ARIH1: variants seen among roughly 807,000 people sequenced by gnomAD.
ARIH1 encodes ariadne RBR E3 ubiquitin protein ligase 1, also known as E3 ubiquitin-protein ligase ARIH1.
In ARIH1, 8 loss-of-function variants were observed where a neutral mutation model predicts 85.0. That is an observed-to-expected ratio of 0.09 (90% CI 0.06 to 0.17). The LOEUF is 0.17. ARIH1 is among the 10% of genes least tolerant of loss of function. The pLI is 1.00. For synonymous variants in ARIH1, 238 were observed against 253.6 expected (o/e 0.94, Z 0.59); for missense variants, 311 against 718.1 (o/e 0.43, Z 6.48).
intron 1 of ARIH1, among the ~76,000 whole-genome samples, chr15:72,488,426 G>C (rs972799177): frequency 1.3e-5 from 2 of 152,084 alleles, no homozygotes; most frequent in African/African-American, 2.4e-5. Flanking sequence ...AATCTGCCAG[G>C]CTGGCTGCGG....
intron 1 of ARIH1, among the ~76,000 whole-genome samples, chr15:72,484,778 TACATATATATAC>T (rs2063831074): frequency 1.3e-5 from 1 of 76,542 alleles, no homozygotes; most frequent in South Asian, 1.0e-3. Flanking sequence ...TGTATATATA[TACATATATATAC>T]ACACACACAC....
intron 1 of ARIH1, among the ~76,000 whole-genome samples, chr15:72,476,856 A>G (rs890439156): frequency 6.6e-6 from 1 of 152,204 alleles, no homozygotes; most frequent in African/African-American, 2.4e-5. Context: ...TTTCAGTGGA[A>G]AAACATTACA....
intron 2 of ARIH1, among the ~76,000 whole-genome samples, chr15:72,532,964 T>G (rs1453648905): frequency 6.6e-6 from 1 of 152,250 alleles, no homozygotes; most frequent in Non-Finnish European, 1.5e-5. Context: ...TATCATAGTT[T>G]ATCCACTGAA....
At chr15:72,532,023 A>G (rs2064059495) in intron 2 of ARIH1, among the ~76,000 whole-genome samples, 1 of 152,184 alleles carries the variant, frequency 6.6e-6, no homozygotes, top group African/African-American at 2.4e-5. Context: ...ATTCATCTTA[A>G]AAGTCTCAAG....
rs1473856879 is a variant in ARIH1, at chr15:72,583,299, C to G, written c.*7C>G. 6.2e-7 allele frequency: 1 copy of G among 1,606,838 alleles called. No homozygotes were observed. ...GGAGTACATTGAGGACTGAGAATGGCCCTGCATAAAATGAACTCTGAAAAC... is the reference window on the plus strand; with the variant it reads ...GGAGTACATTGAGGACTGAGAATGGGCCTGCATAAAATGAACTCTGAAAAC... On this transcript the variant is annotated 3_prime_UTR_variant, in exon 14 of 14. Coordinates refer to ENST00000379887, the MANE Select transcript of ARIH1 (RefSeq NM_005744.5).
At chr15:72,565,190 G>GGATT (rs1250051322) in intron 7 of ARIH1, among the ~76,000 whole-genome samples, 1 of 151,984 alleles carries the variant, frequency 6.6e-6, no homozygotes, top group African/African-American at 2.4e-5. Flanking sequence ...TGAGTAGCTG[G>GGATT]GATTACAGGC....
At chr15:72,567,429 T>C (rs2278694) in intron 9 of ARIH1, among the ~76,000 whole-genome samples, 112,350 of 152,072 alleles carry the variant, frequency 0.74, 47,593 homozygotes, top group Non-Finnish European at 0.93. Flanking sequence ...GAAAAAAAAT[T>C]AGTGTTCTGT....
rs71137306 is a variant in ARIH1, at chr15:72,594,811, C to CTTTTTTTTTTTTTTTTTTTTTTTTT, written c.*11522_*11546dup. 1.6e-4 allele frequency: 13 copies of CTTTTTTTTTTTTTTTTTTTTTTTTT among 79,614 alleles called. 1 individual carries two copies. Among genetic ancestry groups the CTTTTTTTTTTTTTTTTTTTTTTTTT allele is most frequent in the Admixed American group, 6.0e-4 (3 of 4,964 alleles). The allele number at this position is 79,614 out of a possible 1,614,324, so 4.9% of individuals were successfully genotyped here. The stretch of plus-strand genomic sequence containing the variant: ...TTTTTCTGATTTTATGCCTTTTCTT[C>CTTTTTTTTTTTTTTTTTTTTTTTTT]TTTTTTTTTTTTTTTTTTTTTTTTT... On this transcript the variant is annotated 3_prime_UTR_variant, in exon 14 of 14. Coordinates refer to ENST00000379887, the MANE Select transcript of ARIH1 (RefSeq NM_005744.5).
chr15:72,474,492 C>T lies in ARIH1; in HGVS notation c.-148C>T. 9.0e-7 allele frequency: 1 copy of T among 1,110,144 alleles called. No individual in the cohort carries two copies. Among genetic ancestry groups the T allele is most frequent in the East Asian group, 3.4e-5 (1 of 29,538 alleles). 68.8% of individuals were successfully genotyped at this position (1,110,144 alleles called of 1,614,324 possible). A position where few individuals can be genotyped will look rare whatever the true frequency, so the allele number is the denominator to read the frequency against. On this transcript the variant is annotated 5_prime_UTR_variant, in exon 1 of 14. Transcript: ENST00000379887. Reference sequence around the variant, plus strand: ...GCCACCAGCCGTCAAACGCCAACCGCCGCTCCTGGGGAGGAGCCGCGGCTC... The same window carrying T: ...GCCACCAGCCGTCAAACGCCAACCGTCGCTCCTGGGGAGGAGCCGCGGCTC...
chr15:72,479,898 C>T (rs1004601329), intron 1 of ARIH1, among the ~76,000 whole-genome samples: 5 of 151,018 alleles, frequency 3.3e-5, no homozygotes, highest in Admixed American at 2.6e-4. Context: ...GACGGAGTCT[C>T]GCTTTGTTGC....
At chr15:72,493,271 G>C (rs185605412) in intron 1 of ARIH1, among the ~76,000 whole-genome samples, 82 of 149,586 alleles carry the variant, frequency 5.5e-4, no homozygotes, top group South Asian at 4.4e-3. Flanking sequence ...ACACTTTTTG[G>C]GGGGGGAGGT....
intron 2 of ARIH1, among the ~76,000 whole-genome samples, chr15:72,529,883 G>A (rs2064048151): frequency 6.6e-6 from 1 of 152,188 alleles, no homozygotes; most frequent in Admixed American, 6.5e-5. Flanking sequence ...TAAGGGCCTT[G>A]AATTTTAAGT....
rs1427880521 is a variant in ARIH1 at position 72,586,016 on chromosome 15, A to G, written c.*2724A>G. ...ATTTGAACAATTCATTCAGCAGCAGATGGACTTTCAGTGATTTAAAATAAA... is the reference window on the plus strand; with the variant it reads ...ATTTGAACAATTCATTCAGCAGCAGGTGGACTTTCAGTGATTTAAAATAAA... On this transcript the variant is annotated 3_prime_UTR_variant, in exon 14 of 14. Coordinates refer to ENST00000379887, the MANE Select transcript of ARIH1 (RefSeq NM_005744.5). The G allele has an allele frequency of 6.6e-6, 1 of 152,192 alleles. No homozygotes were observed. The highest frequency in any genetic ancestry group is 1.5e-5 in the Non-Finnish European group (1 of 68,028). 9.4% of individuals were successfully genotyped at this position (152,192 alleles called of 1,614,324 possible).
In ARIH1 at chr15:72,474,334, G is replaced by A. The variant is rs558310121; in HGVS notation, c.-306G>A. The A allele has an allele frequency of 5.4e-6, 2 of 367,612 alleles. No homozygotes were observed. Among genetic ancestry groups the A allele is most frequent in the South Asian group, 5.6e-5 (2 of 35,554 alleles). 22.8% of individuals were successfully genotyped at this position (367,612 alleles called of 1,614,324 possible). On this transcript the variant is annotated 5_prime_UTR_variant, in exon 1 of 14. Transcript: ENST00000379887. ...CGCACGCCCCTTTGTTGGCTCAGTA[G>A]CGATAGCAGCGGCCGTGGAGGTGGC... is the stretch of plus-strand genomic sequence containing the variant.
At position 72,598,514 on chromosome 15, in the gene ARIH1, G is replaced by A. The variant is rs1414036180; in HGVS notation, c.*15222G>A. The A allele has an allele frequency of 6.6e-6, 1 of 151,902 alleles. No homozygotes were observed. The highest frequency in any genetic ancestry group is 1.5e-5 in the Non-Finnish European group (1 of 68,008). The allele number at this position is 151,902 out of a possible 1,614,324, so 9.4% of individuals were successfully genotyped here. A position where few individuals can be genotyped will look rare whatever the true frequency, so the allele number is the denominator to read the frequency against. On this transcript the variant is annotated 3_prime_UTR_variant, in exon 14 of 14. Transcript: ENST00000379887. ...GGATCACCTGAGATCAGGAGTTTGA[G>A]ACCAGCCTGGCCAACATAGTGAAAC... is the stretch of plus-strand genomic sequence containing the variant.
At chr15:72,508,523 T>C (rs1191166271) in intron 1 of ARIH1, among the ~76,000 whole-genome samples, 2 of 152,206 alleles carry the variant, frequency 1.3e-5, no homozygotes, top group Non-Finnish European at 2.9e-5. Flanking sequence ...ACACTTAACC[T>C]CTGTAACCTC....
intron 2 of ARIH1, among the ~76,000 whole-genome samples, chr15:72,528,608 CT>C (rs1318965755): frequency 2.0e-5 from 3 of 152,162 alleles, no homozygotes; most frequent in Non-Finnish European, 2.9e-5. Context: ...GATCCCAGAA[CT>C]TTAGCTGACT....
At chr15:72,484,755 A>G (rs2063830827) in intron 1 of ARIH1, among the ~76,000 whole-genome samples, 1 of 136,918 alleles carries the variant, frequency 7.3e-6, no homozygotes, top group Admixed American at 8.2e-5. Context: ...ATATGTGTGC[A>G]TACATATATA....
chr15:72,557,370 A>G (rs1016335927), intron 5 of ARIH1, among the ~76,000 whole-genome samples: 1 of 152,110 alleles, frequency 6.6e-6, no homozygotes, highest in East Asian at 1.9e-4. Context: ...TTCGTTGACA[A>G]AGCAGCCTGC....
Sources: gnomAD v4.1 joint callset for allele counts (sites outside exome capture counted in the v4.1 genomes callset) on GRCh38, gnomAD v4.1.1 for gene constraint, MANE v1.5 for transcripts, NCBI Gene and HGNC (gene_info 2026-07-23, HGNC 2026-07-21) for gene names.